SNX8: variants seen among roughly 807,000 people sequenced by gnomAD.
The protein encoded by SNX8 is sorting nexin-8.
A neutral mutation model predicts 51.6 loss-of-function variants in SNX8; 25 were observed. The observed-to-expected ratio is 0.48, with a 90% CI of 0.35 to 0.68. SNX8 has a LOEUF of 0.68. Ranked by LOEUF, SNX8 falls within the 30% of genes least tolerant of loss-of-function variation. SNX8 has a pLI of 0.00. For missense variants in SNX8, 695 were observed against 624.0 expected (o/e 1.11, Z -1.21); for synonymous variants, 324 against 277.0 (o/e 1.17, Z -1.68).
chr7:2,303,422 C>T (rs1796460363), intron 1 of SNX8, among the ~76,000 whole-genome samples: 1 of 152,134 alleles, frequency 6.6e-6, no homozygotes, highest in Non-Finnish European at 1.5e-5. Flanking sequence ...TGAGGAGCCC[C>T]TCTGCCCGGC....
Position 2,350,635 on chromosome 7 carries a change from C to T in SNX8, c.-66+3587G>A, listed in dbSNP as rs557820713. ...CTTGGGCTAACAGTGAGACACTCTC[C>T]CCCATCTCTAAAAACAATTTTTTTT... On this transcript the variant is annotated intron_variant, in intron 1 of 5. Coordinates refer to the SNX8 transcript ENST00000435336. Among the ~76,000 whole-genome samples, 5 of 152,186 alleles carry T rather than the reference C, an allele frequency of 3.3e-5. No homozygotes were observed. In the South Asian group the frequency reaches 1.0e-3, roughly 32 times the overall value.
chr7:2,340,594 C>T (rs371257435), intron 1 of SNX8, among the ~76,000 whole-genome samples: 2 of 151,632 alleles, frequency 1.3e-5, no homozygotes, highest in Non-Finnish European at 1.5e-5. Context: ...CGGTGGCTCA[C>T]GCCTGTAATC....
rs1796011851 is a variant in SNX8, at chr7:2,285,701, C to G, written c.95-7396G>C. Among the ~76,000 whole-genome samples the G allele has an allele frequency of 2.0e-5, 3 of 152,244 alleles. No individual in the cohort carries two copies. The East Asian group carries it at 5.8e-4, about 29-fold the overall frequency. ...TTTTTATTTGAGACAGGATCTTTCT[C>G]TGTTGCCTAGGCTGGAATGCAGTGG... is the stretch of plus-strand genomic sequence containing the variant. On this transcript the variant is annotated intron_variant, in intron 1 of 10. Transcript: ENST00000222990.
At chr7:2,292,142 A>T (rs1352060132) in intron 1 of SNX8, among the ~76,000 whole-genome samples, 1 of 152,042 alleles carries the variant, frequency 6.6e-6, no homozygotes, top group African/African-American at 2.4e-5. Flanking sequence ...GCATGCCTGT[A>T]ATCCCAGCTA....
intron 1 of SNX8, among the ~76,000 whole-genome samples, chr7:2,290,330 G>C (rs1243341400): frequency 6.6e-6 from 1 of 151,932 alleles, no homozygotes; most frequent in Non-Finnish European, 1.5e-5. Flanking sequence ...GTCAGACTCG[G>C]TCTCTACTAA....
intron 1 of SNX8, among the ~76,000 whole-genome samples, chr7:2,342,372 G>A (rs1448004043): frequency 6.6e-6 from 1 of 151,824 alleles, no homozygotes; most frequent in Admixed American, 6.6e-5. Flanking sequence ...AGAATTACAG[G>A]GCTGGGCGCA....
At chr7:2,326,994 T>C (rs1161331941) in intron 1 of SNX8, among the ~76,000 whole-genome samples, 2 of 152,122 alleles carry the variant, frequency 1.3e-5, no homozygotes, top group Non-Finnish European at 2.9e-5. Flanking sequence ...CTTGGTGGCT[T>C]GAAACAACAG....
chr7:2,256,838 G>A (rs772051740), intron 10 of SNX8, 36 bp downstream of exon 10: 9 of 1,589,780 alleles, frequency 5.7e-6, no homozygotes, highest in South Asian at 3.4e-5. Flanking sequence ...AAGAAAGGCC[G>A]TGGCCGAGAC....
At chr7:2,257,563 G>A (rs767238780) in intron 8 of SNX8, 49 bp from the exon 9 acceptor site, 1 of 1,593,724 alleles carries the variant, frequency 6.3e-7, no homozygotes, top group Non-Finnish European at 8.5e-7. Flanking sequence ...GCCTGCGCCA[G>A]GGCCCTGCGG....
intron 1 of SNX8, chr7:2,299,254 T>C (rs960322567): frequency 6.6e-6 from 1 of 151,628 alleles, no homozygotes; most frequent in East Asian, 1.9e-4. Context: ...AAGCAGGACA[T>C]GGGAGATGCA....
At chr7:2,336,869 C>T (rs921646787) in intron 1 of SNX8, among the ~76,000 whole-genome samples, 1 of 151,072 alleles carries the variant, frequency 6.6e-6, no homozygotes, top group African/African-American at 2.4e-5. Flanking sequence ...ATGAGCTGGG[C>T]ATGGTGATGC....
chr7:2,257,223 G>T, intron 9 of SNX8, 142 bp downstream of exon 9: 1 of 1,178,516 alleles, frequency 8.5e-7, no homozygotes, highest in Non-Finnish European at 1.2e-6. Context: ...ACGCGGGCCA[G>T]CTCCCTGCCT....
rs1795223915 is a variant in SNX8, at chr7:2,257,654, C to G, written c.984+81G>C. The G allele has an allele frequency of 4.5e-6, 7 of 1,565,982 alleles. No individual in the cohort carries two copies. In the Admixed American group the frequency reaches 1.2e-4, roughly 26 times the overall value. ...CCTGGCTTCTCAGCTCCTCTTCCGT[C>G]CCCCAGGAGTTAGACCCTTGAAGGA... On this transcript the variant is annotated intron_variant, in intron 8 of 10. Coordinates refer to ENST00000222990, the MANE Select transcript of SNX8 (RefSeq NM_013321.4).
At chr7:2,306,410 TC>T (rs1796546117) in intron 1 of SNX8, among the ~76,000 whole-genome samples, 1 of 152,076 alleles carries the variant, frequency 6.6e-6, no homozygotes, top group Admixed American at 6.5e-5. Flanking sequence ...GTGCCCAGCC[TC>T]CGGGACAAAT....
At chr7:2,354,449 G>A (rs1303154780), upstream of SNX8, 1 of 152,132 alleles carries the variant, frequency 6.6e-6, no homozygotes, top group Non-Finnish European at 1.5e-5. Context: ...ACTCTTCCAG[G>A]GTATTAACTG....
chr7:2,311,799 T>G (rs1174287422), intron 1 of SNX8, among the ~76,000 whole-genome samples: 11 of 151,404 alleles, frequency 7.3e-5, no homozygotes, highest in African/African-American at 2.7e-4. Context: ...TAGCCGGGCG[T>G]GGTGGCGGGC....
At chr7:2,329,099 C>T (rs534240221) in intron 1 of SNX8, among the ~76,000 whole-genome samples, 2 of 141,002 alleles carry the variant, frequency 1.4e-5, no homozygotes, top group Non-Finnish European at 3.1e-5. Context: ...AAAAAAAAAA[C>T]AAAACATACA....
At chr7:2,284,396 C>CTTTTTTTTTT (rs751803296) in intron 1 of SNX8, among the ~76,000 whole-genome samples, 6 of 88,908 alleles carry the variant, frequency 6.7e-5, no homozygotes, top group Non-Finnish European at 1.0e-4. Context: ...CTTTTATTTC[C>CTTTTTTTTTT]TTTTTTTTTT....
chr7:2,275,812 C>A (rs1795765139), intron 2 of SNX8, among the ~76,000 whole-genome samples: 1 of 151,662 alleles, frequency 6.6e-6, no homozygotes, highest in Non-Finnish European at 1.5e-5. Context: ...TCCTGGCCAA[C>A]ACGGTGAAAC....
Sources: gnomAD v4.1 joint callset for allele counts (sites outside exome capture counted in the v4.1 genomes callset) on GRCh38, gnomAD v4.1.1 for gene constraint, MANE v1.5 for transcripts, NCBI Gene and HGNC (gene_info 2026-07-23, HGNC 2026-07-21) for gene names.